Variants in CHID1 observed in about 807,000 individuals in gnomAD.
The protein encoded by CHID1 is chitinase domain-containing protein 1.
Under a neutral mutation model 55.4 loss-of-function variants are expected in CHID1, and 44 were observed. That is an observed-to-expected ratio of 0.79 (90% CI 0.62 to 1.02). The LOEUF is 1.02. Among genes scored for constraint, CHID1 ranks in the 50% least tolerant of loss-of-function variants. The pLI, the probability that CHID1 is intolerant of heterozygous loss-of-function variation, is 0.00. For synonymous variants in CHID1, 216 were observed against 212.9 expected (o/e 1.01, Z -0.13); for missense variants, 491 against 515.3 (o/e 0.95, Z 0.46).
rs1259780792 is a variant in CHID1 at position 894,132 on chromosome 11, A to T, written c.609-613T>A. 3.0e-3 allele frequency among the ~76,000 whole-genome samples: 430 copies of T among 141,304 alleles called. 9 individuals carry two copies. The highest frequency in any genetic ancestry group is 0.011 in the African/African-American group (386 of 34,658). The allele number at this position is 141,304 out of a possible 152,430, so 92.7% of individuals were successfully genotyped here. A position where few individuals can be genotyped will look rare whatever the true frequency, so the allele number is the denominator to read the frequency against. ...GCATGACTCTGTCTCAAAAAAAAAAAAAAAAAAAAAAAAAAAAAGGACACA... is the reference window on the plus strand; with the variant it reads ...GCATGACTCTGTCTCAAAAAAAAAATAAAAAAAAAAAAAAAAAAGGACACA... On this transcript the variant is annotated intron_variant, in intron 7 of 12. Transcript: ENST00000323578.
upstream of CHID1, among the ~76,000 whole-genome samples, chr11:913,414 T>G (rs1243460109): frequency 6.6e-6 from 1 of 152,162 alleles, no homozygotes; most frequent in Non-Finnish European, 1.5e-5. Context: ...ATAAATTGTT[T>G]GAAATGTTGA....
At chr11:889,269 C>T (rs939569205) in intron 8 of CHID1, among the ~76,000 whole-genome samples, 9 of 152,210 alleles carry the variant, frequency 5.9e-5, no homozygotes, top group Non-Finnish European at 1.3e-4. Flanking sequence ...GTTCTACCTG[C>T]GAACTCCCTG....
In CHID1 at chr11:878,372, C is replaced by G. The variant is rs147952088; in HGVS notation, c.959+4776G>C. 9.9e-3 allele frequency among the ~76,000 whole-genome samples: 1,505 copies of G among 152,180 alleles called. 31 individuals are homozygous for G. The highest frequency in any genetic ancestry group is 0.035 in the African/African-American group (1,436 of 41,520). ...GAGGCTGCAGTGAGCTGAGATCACA[C>G]CACTGCACTCCAGCCTGGGGACTCC... On this transcript the variant is annotated intron_variant, in intron 10 of 12. Coordinates refer to ENST00000323578, the MANE Select transcript of CHID1 (RefSeq NM_023947.4).
chr11:880,267 CGCCCCGCCTGAT>C, intron 10 of CHID1, among the ~76,000 whole-genome samples: 1 of 152,236 alleles, frequency 6.6e-6, no homozygotes, highest in Non-Finnish European at 1.5e-5. Context: ...CCAGGCTCTT[CGCCCCGCCTGAT>C]GCCCAGGCTG....
intron 1 of CHID1, chr11:908,462 G>A (rs372980317): frequency 7.9e-4 from 358 of 455,816 alleles, no homozygotes; most frequent in Middle Eastern, 6.8e-3. Context: ...GCTGAGGCTT[G>A]GTCTGAGTCA....
At chr11:907,203 C>T (rs1852293502) in intron 1 of CHID1, among the ~76,000 whole-genome samples, 2 of 151,442 alleles carry the variant, frequency 1.3e-5, no homozygotes, top group Admixed American at 6.6e-5. Context: ...ACTTTCCGGC[C>T]GGGCGCGGTG....
At chr11:906,450 GTT>G (rs1852222555) in intron 1 of CHID1, among the ~76,000 whole-genome samples, 2 of 152,116 alleles carry the variant, frequency 1.3e-5, no homozygotes, top group African/African-American at 4.8e-5. Context: ...CGTTGGCCAG[GTT>G]GGTCTCAAGC....
intron 8 of CHID1, among the ~76,000 whole-genome samples, chr11:885,894 T>G (rs2134194714): frequency 6.6e-6 from 1 of 152,274 alleles, no homozygotes; most frequent in East Asian, 1.9e-4. Context: ...GGCTCACGCC[T>G]GTAATCCCAG....
chr11:899,464 A>T, intron 6 of CHID1, 63 bp from the exon 7 acceptor site: 1 of 1,467,372 alleles, frequency 6.8e-7, no homozygotes, highest in Non-Finnish European at 9.3e-7. Flanking sequence ...TGGAAAGACA[A>T]GAAGCCCGCC....
intron 1 of CHID1, 46 bp downstream of exon 1, chr11:910,729 G>A (rs1260645010): frequency 8.0e-7 from 1 of 1,243,876 alleles, no homozygotes; most frequent in African/African-American, 1.6e-5. Context: ...GGGAAACTGA[G>A]GCCGTGCAAG....
At chr11:909,473 G>C (rs1050096737) in intron 1 of CHID1, among the ~76,000 whole-genome samples, 2 of 152,240 alleles carry the variant, frequency 1.3e-5, no homozygotes, top group African/African-American at 2.4e-5. Flanking sequence ...CAGTCCGTAG[G>C]TCCAGGACCT....
Position 900,998 on chromosome 11 carries a change from GAC to G in CHID1, c.395-20_395-19del. 3.8e-6 allele frequency: 6 copies of G among 1,594,842 alleles called. No homozygotes were observed. The highest frequency in any genetic ancestry group is 1.7e-4 in the Middle Eastern group (1 of 6,018). On this transcript the variant is annotated intron_variant, in intron 4 of 12. Coordinates refer to ENST00000323578, the MANE Select transcript of CHID1 (RefSeq NM_023947.4). ...CATCCACCCTGTGGGACATGGAGGG[GAC>G]AGTCAACACAGGCACGTGCGCCCAA...
At chr11:895,881 G>A (rs575334158) in intron 7 of CHID1, among the ~76,000 whole-genome samples, 4 of 152,102 alleles carry the variant, frequency 2.6e-5, no homozygotes, top group East Asian at 3.9e-4. Flanking sequence ...GGCAGCTCCC[G>A]ACCTTCCTGC....
chr11:877,485 ATCC>A (rs1267127549), intron 10 of CHID1, among the ~76,000 whole-genome samples: 1 of 152,174 alleles, frequency 6.6e-6, no homozygotes, highest in Non-Finnish European at 1.5e-5. Context: ...GGCTCAAGCA[ATCC>A]TCCTGCCTTA....
At chr11:908,525 G>C in intron 1 of CHID1, 1 of 972,040 alleles carries the variant, frequency 1.0e-6, no homozygotes, top group Non-Finnish European at 1.2e-6. Context: ...CAGGGAAGAC[G>C]GCCCAGAATC....
chr11:886,589 C>A lies in CHID1; in HGVS notation c.702-2420G>T, dbSNP rs1183574272. On this transcript the variant is annotated intron_variant, in intron 8 of 12. Coordinates refer to ENST00000323578, the MANE Select transcript of CHID1 (RefSeq NM_023947.4). ...TTAGAGCTAGACGAGGCCATGATGA[C>A]GCGCCCCATGGTGGAGTTAGTGTCC... Among the ~76,000 whole-genome samples the A allele has an allele frequency of 2.6e-5, 4 of 152,210 alleles. No homozygotes were observed. In the South Asian group the frequency reaches 8.3e-4, roughly 32 times the overall value.
At chr11:910,907 G>T, upstream of CHID1, 1 of 943,962 alleles carries the variant, frequency 1.1e-6, no homozygotes, top group South Asian at 2.6e-5. Flanking sequence ...GCTGGGCCAG[G>T]ACAGGGGACT....
chr11:904,911 T>A, intron 1 of CHID1, 52 bp from the exon 2 acceptor site: 1 of 1,587,344 alleles, frequency 6.3e-7, no homozygotes, highest in Middle Eastern at 1.7e-4. Context: ...ATGCAGCACA[T>A]GGGCAACCCC....
intron 2 of CHID1, 29 bp from the exon 3 acceptor site, chr11:903,140 T>C: frequency 1.2e-6 from 2 of 1,600,490 alleles, no homozygotes; most frequent in Middle Eastern, 3.3e-4. Context: ...GAGAAAAGCC[T>C]CAGTCATCTG....
Sources: gnomAD v4.1 joint callset for allele counts (sites outside exome capture counted in the v4.1 genomes callset) on GRCh38, gnomAD v4.1.1 for gene constraint, MANE v1.5 for transcripts, NCBI Gene and HGNC (gene_info 2026-07-23, HGNC 2026-07-21) for gene names.